WWTR1: variants seen among roughly 807,000 people sequenced by gnomAD.
WWTR1 encodes the protein WW domain-containing transcription regulator protein 1.
In WWTR1, 13 loss-of-function variants were observed where a neutral mutation model predicts 40.1. That is an observed-to-expected ratio of 0.32 (90% CI 0.21 to 0.52). The LOEUF (loss-of-function observed/expected upper bound fraction) is 0.52. WWTR1 is among the 20% of genes least tolerant of loss of function. The probability of loss-of-function intolerance (pLI) is 0.97; values close to 1 mark genes in which losing one functional copy is unlikely to be tolerated. For missense variants in WWTR1, 436 were observed against 523.1 expected (o/e 0.83, Z 1.63); for synonymous variants, 230 against 210.1 (o/e 1.09, Z -0.82).
At chr3:149,701,409 C>T (rs7640683) in intron 1 of WWTR1, among the ~76,000 whole-genome samples, 3,107 of 152,180 alleles carry the variant, frequency 0.02, 105 homozygotes, top group African/African-American at 0.07. Context: ...CTCACGTGCC[C>T]CTGAGCCCTA....
At chr3:149,695,677 C>T (rs1714960601) in intron 1 of WWTR1, among the ~76,000 whole-genome samples, 1 of 149,778 alleles carries the variant, frequency 6.7e-6, no homozygotes, top group Non-Finnish European at 1.5e-5. Flanking sequence ...AGGAGAATTG[C>T]TTGAACTCAG....
chr3:149,588,025 A>G (rs920376068), intron 2 of WWTR1, among the ~76,000 whole-genome samples: 3 of 152,200 alleles, frequency 2.0e-5, no homozygotes, highest in African/African-American at 7.2e-5. Context: ...TTCCCAGAAA[A>G]CAATTAGATG....
At chr3:149,640,036 A>G (rs1712073310) in intron 2 of WWTR1, among the ~76,000 whole-genome samples, 1 of 151,746 alleles carries the variant, frequency 6.6e-6, no homozygotes, top group Non-Finnish European at 1.5e-5. Flanking sequence ...GAAAGAAAGA[A>G]AGAAAAAGTA....
chr3:149,546,837 C>T, intron 3 of WWTR1, among the ~76,000 whole-genome samples: 1 of 152,170 alleles, frequency 6.6e-6, no homozygotes, highest in East Asian at 1.9e-4. Flanking sequence ...CTGCTTGGTG[C>T]AACCTCTCCT....
chr3:149,558,099 G>A (rs563901755), intron 3 of WWTR1, among the ~76,000 whole-genome samples: 34 of 152,020 alleles, frequency 2.2e-4, no homozygotes, highest in African/African-American at 8.0e-4. Context: ...AACTACTCGT[G>A]TGTCAGTCAC....
At chr3:149,627,708 A>ATATT (rs1740634025) in intron 2 of WWTR1, among the ~76,000 whole-genome samples, 1 of 152,158 alleles carries the variant, frequency 6.6e-6, no homozygotes, top group Non-Finnish European at 1.5e-5. Context: ...CCTTCTCCTT[A>ATATT]TATTTGTAGC....
intron 5 of WWTR1, among the ~76,000 whole-genome samples, chr3:149,714,627 T>G (rs1345974697): frequency 6.6e-6 from 1 of 152,152 alleles, no homozygotes; most frequent in Non-Finnish European, 1.5e-5. Flanking sequence ...CAGGTGCCCC[T>G]TGGCAAGAAC....
intron 2 of WWTR1, among the ~76,000 whole-genome samples, chr3:149,619,300 G>A (rs549222741): frequency 5.3e-5 from 8 of 152,172 alleles, no homozygotes; most frequent in East Asian, 1.9e-4. Flanking sequence ...GAGTTTCTAC[G>A]AGGCAGTGTT....
chr3:149,604,156 C>T (rs1253551604), intron 2 of WWTR1, among the ~76,000 whole-genome samples: 1 of 152,200 alleles, frequency 6.6e-6, no homozygotes, highest in Non-Finnish European at 1.5e-5. Context: ...TGCTCCAACC[C>T]TGTAAGATAA....
intron 5 of WWTR1, among the ~76,000 whole-genome samples, chr3:149,712,219 G>A (rs564560836): frequency 3.3e-5 from 5 of 152,122 alleles, no homozygotes; most frequent in African/African-American, 4.8e-5. Context: ...CCAGGAGTTC[G>A]AGGCTGTAGT....
At chr3:149,642,030 C>G (rs1712201729) in intron 2 of WWTR1, among the ~76,000 whole-genome samples, 1 of 152,244 alleles carries the variant, frequency 6.6e-6, no homozygotes, top group African/African-American at 2.4e-5. Context: ...CCCTTGGCTA[C>G]AGCTCAACTT....
At position 149,680,802 on chromosome 3, in the gene WWTR1, A is replaced by G. The variant is rs757143316; in HGVS notation, c.-107-10911T>C. 5.8e-4 allele frequency among the ~76,000 whole-genome samples: 89 copies of G among 152,200 alleles called. 1 individual carries two copies. Among genetic ancestry groups the G allele is most frequent in the Non-Finnish European group, 1.1e-3 (72 of 68,046 alleles). ...GGCTGCAGTGAGCTATGACCATGCC[A>G]CTTCACTCCAGCCTGAATGACAGAG... On this transcript the variant is annotated intron_variant, in intron 1 of 7. Transcript: ENST00000465804.
upstream of WWTR1, among the ~76,000 whole-genome samples, chr3:149,707,203 G>C (rs1480610604): frequency 6.6e-6 from 1 of 152,144 alleles, no homozygotes; most frequent in Non-Finnish European, 1.5e-5. Flanking sequence ...AGAACTAGGG[G>C]AGGGATTGGC....
chr3:149,576,569 T>TAA (rs1229106213), intron 2 of WWTR1, among the ~76,000 whole-genome samples: 2 of 152,348 alleles, frequency 1.3e-5, no homozygotes, highest in East Asian at 3.9e-4. Context: ...TCTGCTGTTT[T>TAA]AAAAGTATAA....
chr3:149,588,967 A>T (rs538800663), intron 2 of WWTR1, among the ~76,000 whole-genome samples: 28 of 152,318 alleles, frequency 1.8e-4, no homozygotes, highest in African/African-American at 6.0e-4. Context: ...AATGCAATAG[A>T]AGGAAGGGAT....
intron 5 of WWTR1, among the ~76,000 whole-genome samples, chr3:149,708,296 T>G (rs1238888550): frequency 1.3e-5 from 2 of 152,232 alleles, no homozygotes; most frequent in African/African-American, 4.8e-5. Context: ...TTTGTTTGCT[T>G]GCTGGTTTTT....
intron 4 of WWTR1, among the ~76,000 whole-genome samples, chr3:149,533,916 C>T (rs1306296447): frequency 7.7e-6 from 1 of 130,272 alleles, no homozygotes; most frequent in Non-Finnish European, 1.8e-5. Flanking sequence ...CTAAAAATTG[C>T]ATATTGCTTA....
chr3:149,643,024 C>T (rs1190770427), intron 2 of WWTR1, among the ~76,000 whole-genome samples: 1 of 152,168 alleles, frequency 6.6e-6, no homozygotes, highest in Non-Finnish European at 1.5e-5. Context: ...CAAATGCTCC[C>T]AAATTAGCAA....
intron 5 of WWTR1, among the ~76,000 whole-genome samples, 153 bp downstream of exon 5, chr3:149,527,683 C>CT (rs767845203): frequency 7.9e-5 from 12 of 152,048 alleles, no homozygotes; most frequent in Non-Finnish European, 1.5e-4. Context: ...CCCTGCTTTT[C>CT]TTTTTTCTGC....
Sources: allele counts gnomAD v4.1 joint callset (sites outside exome capture counted in the v4.1 genomes callset), GRCh38; gene constraint gnomAD v4.1.1; transcripts MANE v1.5; gene names NCBI Gene and HGNC (gene_info 2026-07-23, HGNC 2026-07-21).